The following ARMC9 variants were observed in gnomAD, a reference collection of about 807,000 sequenced individuals.
ARMC9 encodes armadillo repeat containing 9, also known as lisH domain-containing protein ARMC9.
In ARMC9, 94 loss-of-function variants were observed where a neutral mutation model predicts 107.0. The observed-to-expected ratio is 0.88, with a 90% confidence interval of 0.74 to 1.04. The LOEUF (loss-of-function observed/expected upper bound fraction) is 1.04. Ranked by LOEUF, ARMC9 falls within the 50% of genes least tolerant of loss-of-function variation. The probability of loss-of-function intolerance (pLI) is 0.00; values close to 1 mark genes in which losing one functional copy is unlikely to be tolerated. For missense variants in ARMC9, 942 were observed against 1,030.1 expected, an observed-to-expected ratio of 0.91 and a Z score of 1.17; for synonymous variants, 380 against 396.9, an observed-to-expected ratio of 0.96 and a Z score of 0.51.
intron 12 of ARMC9, among the ~76,000 whole-genome samples, chr2:231,263,233 A>G (rs1408857860): frequency 2.6e-5 from 4 of 152,234 alleles, no homozygotes; most frequent in Non-Finnish European, 2.9e-5. Context: ...GTGGAGTATC[A>G]AATGCTCTGG....
At position 231,375,108 on chromosome 2, in the gene ARMC9, T is replaced by C. The variant is rs960842626; in HGVS notation, c.*3573T>C. On this transcript the variant is annotated 3_prime_UTR_variant, in exon 25 of 25. Transcript: ENST00000611582. The surrounding 1 kb of genome is among the most constrained non-coding windows in gnomAD (Gnocchi z 4.3). ...TAAACCAACAAATGTATTAGCTTTA[T>C]AATGATTTGGATCAGTGATGGGGGC... 6.6e-6 allele frequency among the ~76,000 whole-genome samples: 1 copy of C among 152,240 alleles called. No homozygotes were observed. The highest frequency in any genetic ancestry group is 2.1e-4 in the South Asian group (1 of 4,834).
At chr2:231,231,193 A>T (rs777701843) in intron 7 of ARMC9, among the ~76,000 whole-genome samples, 2 of 152,210 alleles carry the variant, frequency 1.3e-5, no homozygotes, top group Non-Finnish European at 2.9e-5. Context: ...TTGGGAGGTC[A>T]TTGAGCCTAG....
chr2:231,207,902 T>A (rs2032262053), intron 2 of ARMC9, among the ~76,000 whole-genome samples: 1 of 152,342 alleles, frequency 6.6e-6, no homozygotes, highest in African/African-American at 2.4e-5. Context: ...ACTTTTTATC[T>A]TTCGTCTTTT....
intron 12 of ARMC9, among the ~76,000 whole-genome samples, chr2:231,269,316 C>T (rs927800690): frequency 1.3e-5 from 2 of 151,710 alleles, no homozygotes; most frequent in Non-Finnish European, 2.9e-5. Context: ...AATGTTGAAC[C>T]TCCTGAACTG....
chr2:231,202,402 AG>A (rs1329977507), intron 1 of ARMC9, among the ~76,000 whole-genome samples: 1 of 147,154 alleles, frequency 6.8e-6, no homozygotes, highest in African/African-American at 2.5e-5. Flanking sequence ...GGCTCACTAC[AG>A]CCTTGACCTT....
chr2:231,369,913 C>T, intron 23 of ARMC9, 40 bp from the exon 24 acceptor site: 1 of 1,440,756 alleles, frequency 6.9e-7, no homozygotes, highest in Non-Finnish European at 9.2e-7. Flanking sequence ...GTTTCTAATG[C>T]TGTAGTAGCT....
chr2:231,354,100 C>T lies in ARMC9; in HGVS notation c.1995-1698C>T, dbSNP rs2045230479. On this transcript the variant is annotated intron_variant, in intron 21 of 24. Transcript: ENST00000611582. ...CTGGAAAACCTTCCCTCTTCTGGCA[C>T]CTGGCAGAACTGAGTTCAAAACTCA... 1.3e-5 allele frequency among the ~76,000 whole-genome samples: 2 copies of T among 151,638 alleles called. 1 individual carries two copies. Among genetic ancestry groups the T allele is most frequent in the South Asian group, 4.2e-4 (2 of 4,798 alleles).
At chr2:231,340,971 G>A (rs1178655135) in intron 20 of ARMC9, among the ~76,000 whole-genome samples, 3 of 152,094 alleles carry the variant, frequency 2.0e-5, no homozygotes, top group African/African-American at 4.8e-5. Context: ...GGGAGGCTGA[G>A]GAATGAGGAT....
rs1289424764 is a variant in ARMC9, at chr2:231,255,657, G to A, written c.880-929G>A. ...ATCAAACCAGGGCTGGGTAGGCTGT[G>A]AGCTGGATTAGTGGTGTGTAACTTT... On this transcript the variant is annotated intron_variant, in intron 9 of 24. Transcript: ENST00000611582. This position sits in a 1 kb window ranked among gnomAD's most constrained non-coding sequence, Gnocchi z 4.7. Among the ~76,000 whole-genome samples the A allele has an allele frequency of 6.6e-6, 1 of 152,134 alleles. No homozygotes were observed. The highest frequency in any genetic ancestry group is 1.5e-5 in the Non-Finnish European group (1 of 68,040).
At chr2:231,316,711 T>G (rs1559452807) in intron 19 of ARMC9, among the ~76,000 whole-genome samples, 1 of 151,920 alleles carries the variant, frequency 6.6e-6, no homozygotes, top group Non-Finnish European at 1.5e-5. Flanking sequence ...TCAACAGGTG[T>G]TTTTTCCCCA....
At chr2:231,328,954 A>G (rs1003750582) in intron 19 of ARMC9, among the ~76,000 whole-genome samples, 6 of 151,332 alleles carry the variant, frequency 4.0e-5, no homozygotes, top group African/African-American at 1.5e-4. Context: ...AGCTGGGACT[A>G]CAGGAACCCA....
intron 12 of ARMC9, chr2:231,270,754 G>A (rs948230273): frequency 9.7e-5 from 64 of 656,992 alleles, no homozygotes; most frequent in Non-Finnish European, 1.5e-4. Context: ...TGAGGGCTTC[G>A]TGTAATTAAT....
Position 231,223,934 on chromosome 2 carries a change from A to G in ARMC9, c.597+1114A>G, listed in dbSNP as rs563117353. 1.4e-3 allele frequency among the ~76,000 whole-genome samples: 209 copies of G among 152,168 alleles called. 3 individuals are homozygous for G. In the South Asian group the frequency reaches 0.042, roughly 31 times the overall value. On this transcript the variant is annotated intron_variant, in intron 6 of 24. Coordinates refer to ENST00000611582, the MANE Select transcript of ARMC9 (RefSeq NM_001352754.2). ...TTTCAGTGAAACTAGAACTTTTCCAACTTGACTTATAATTATTTGAATACG... is the reference window on the plus strand; with the variant it reads ...TTTCAGTGAAACTAGAACTTTTCCAGCTTGACTTATAATTATTTGAATACG...
chr2:231,262,414 G>A lies in ARMC9; in HGVS notation c.1119+16G>A, dbSNP rs370808208. 566 of 1,605,624 alleles carry A rather than the reference G, an allele frequency of 3.5e-4. No homozygotes were observed. Among genetic ancestry groups the A allele is most frequent in the Non-Finnish European group, 4.4e-4 (515 of 1,172,408 alleles). On this transcript the variant is annotated intron_variant, in intron 12 of 24. Transcript: ENST00000611582. Reference sequence around the variant, plus strand: ...CCACAACCAGGTTGGTAAGAGGTGGGGCCAGATCCCAGCCAGGGCCTTCAA... The same window carrying A: ...CCACAACCAGGTTGGTAAGAGGTGGAGCCAGATCCCAGCCAGGGCCTTCAA...
intron 13 of ARMC9, 68 bp from the exon 14 acceptor site, chr2:231,272,887 G>C: frequency 6.4e-7 from 1 of 1,551,066 alleles, no homozygotes; most frequent in Non-Finnish European, 8.7e-7. Context: ...TTCGTGGAAA[G>C]TGGTTTTGTA....
intron 19 of ARMC9, among the ~76,000 whole-genome samples, chr2:231,310,409 A>G (rs553866429): frequency 2.4e-5 from 3 of 125,500 alleles, no homozygotes; most frequent in Admixed American, 1.7e-4. Flanking sequence ...CAAGAGTGAA[A>G]CTCCATCTCA....
At chr2:231,314,360 G>A (rs1047372958) in intron 19 of ARMC9, among the ~76,000 whole-genome samples, 7 of 152,212 alleles carry the variant, frequency 4.6e-5, no homozygotes, top group Admixed American at 1.3e-4. Flanking sequence ...TTACAGGTGT[G>A]AGCCACTGCG....
At position 231,261,081 on chromosome 2, in the gene ARMC9, T is replaced by TGCGCTCTTGCCC. The variant is rs1216940664; in HGVS notation, c.1027-1224_1027-1213dup. Among the ~76,000 whole-genome samples, 36 of 152,224 alleles carry TGCGCTCTTGCCC rather than the reference T, an allele frequency of 2.4e-4. 3 individuals carry two copies. Among genetic ancestry groups the TGCGCTCTTGCCC allele is most frequent in the African/African-American group, 4.8e-5 (2 of 41,462 alleles). ...GCCCAGGGCGTCTGATGCTCTGGCC[T>TGCGCTCTTGCCC]GCGCTCTTGCCCACGCTAAGAACTA... is the stretch of plus-strand genomic sequence containing the variant. On this transcript the variant is annotated intron_variant, in intron 11 of 24. Transcript: ENST00000611582.
intron 19 of ARMC9, among the ~76,000 whole-genome samples, chr2:231,304,156 G>A (rs1253216473): frequency 6.6e-6 from 1 of 152,022 alleles, no homozygotes; most frequent in Non-Finnish European, 1.5e-5. Flanking sequence ...CTTGAGCCCA[G>A]GAGGCAGAGG....
Sources: gnomAD v4.1 joint callset for allele counts (sites outside exome capture counted in the v4.1 genomes callset) on GRCh38, gnomAD v4.1.1 for gene constraint, Gnocchi (gnomAD v3.1) non-coding constraint, MANE v1.5 for transcripts, NCBI Gene and HGNC (gene_info 2026-07-23, HGNC 2026-07-21) for gene names.